Variants in SSBP3 observed in about 807,000 individuals in gnomAD.
SSBP3 encodes the protein single stranded DNA binding protein 3.
In SSBP3, 5 loss-of-function variants were observed where a neutral mutation model predicts 69.6. The ratio of observed to expected loss-of-function variants is 0.07; its 90% confidence interval spans 0.04 to 0.15. The LOEUF is 0.15. Ranked by LOEUF, SSBP3 falls within the 10% of genes least tolerant of loss-of-function variation. SSBP3 has a pLI of 1.00. For missense variants in SSBP3, 312 were observed against 534.0 expected (o/e 0.58, Z 4.10); for synonymous variants, 196 against 193.4 (o/e 1.01, Z -0.11).
At chr1:54,365,379 G>A (rs2100651623) in intron 4 of SSBP3, among the ~76,000 whole-genome samples, 1 of 152,286 alleles carries the variant, frequency 6.6e-6, no homozygotes, top group Middle Eastern at 3.4e-3. Context: ...AAGGCTAGTG[G>A]TTAAGAAGTG....
chr1:54,251,514 C>T (rs142743198), intron 9 of SSBP3, 102 bp downstream of exon 9: 114 of 1,276,578 alleles, frequency 8.9e-5, no homozygotes, highest in Non-Finnish European at 1.1e-4. Flanking sequence ...CTCACCCCTG[C>T]GAACTGAGAG....
intron 7 of SSBP3, among the ~76,000 whole-genome samples, chr1:54,255,929 G>A (rs968009411): frequency 5.3e-5 from 8 of 152,044 alleles, no homozygotes; most frequent in Non-Finnish European, 7.4e-5. Context: ...AAAATTAGCC[G>A]GGCATGGTGG....
chr1:54,294,618 G>C (rs1298242649), intron 4 of SSBP3, among the ~76,000 whole-genome samples: 1 of 152,232 alleles, frequency 6.6e-6, no homozygotes, highest in East Asian at 1.9e-4. Flanking sequence ...CCAGCCCAGT[G>C]AGCTGGGTGC....
At chr1:54,289,020 C>CAAAAAAAAAAAAAAAAA (rs777871964) in intron 4 of SSBP3, among the ~76,000 whole-genome samples, 11 of 43,892 alleles carry the variant, frequency 2.5e-4, no homozygotes, top group South Asian at 2.6e-3. Context: ...ACTCTGTCTC[C>CAAAAAAAAAAAAAAAAA]AAAAAAAAAA....
intron 5 of SSBP3, among the ~76,000 whole-genome samples, chr1:54,276,608 C>CACA (rs1553129772): frequency 4.8e-4 from 17 of 35,224 alleles, no homozygotes; most frequent in Non-Finnish European, 6.2e-4. Context: ...GACTCTGTCT[C>CACA]AAAAAAAAAA....
At chr1:54,370,750 A>C (rs1277811199) in intron 4 of SSBP3, among the ~76,000 whole-genome samples, 1 of 152,152 alleles carries the variant, frequency 6.6e-6, no homozygotes. Flanking sequence ...TCTCCACAAG[A>C]GTGGCCCTCA....
chr1:54,254,326 C>T (rs1644882538), intron 7 of SSBP3, among the ~76,000 whole-genome samples: 1 of 152,210 alleles, frequency 6.6e-6, no homozygotes, highest in African/African-American at 2.4e-5. Context: ...AGCCAGCCTG[C>T]CAGGTGGGAC....
chr1:54,316,598 G>A (rs1488479083), intron 4 of SSBP3, among the ~76,000 whole-genome samples: 6 of 140,660 alleles, frequency 4.3e-5, no homozygotes, highest in Admixed American at 1.4e-4. Flanking sequence ...CCGAGATTGC[G>A]CCACTGCAGT....
At chr1:54,381,297 C>A (rs983186269) in intron 4 of SSBP3, among the ~76,000 whole-genome samples, 1 of 143,870 alleles carries the variant, frequency 7.0e-6, no homozygotes, top group South Asian at 2.2e-4. Flanking sequence ...GCAAGACAAT[C>A]ACTTAAACTC....
Position 54,281,541 on chromosome 1 carries a change from A to G in SSBP3, c.277-14T>C. ...AGCTGCTGCACTCTGTGGAGACAAC[A>G]AGGCAGAGAGTTAGTGGCCAAACCC... On this transcript the variant is annotated splice_polypyrimidine_tract_variant and intron_variant, in intron 4 of 17. Transcript: ENST00000610401. 6.4e-7 allele frequency: 1 copy of G among 1,555,984 alleles called. No individual in the cohort carries two copies. The highest frequency in any genetic ancestry group is 8.7e-7 in the Non-Finnish European group (1 of 1,149,396).
chr1:54,344,603 G>A (rs1456828012), intron 4 of SSBP3, among the ~76,000 whole-genome samples: 1 of 152,208 alleles, frequency 6.6e-6, no homozygotes, highest in Non-Finnish European at 1.5e-5. Flanking sequence ...ACTCGGTGTC[G>A]TCAGTACAGG....
intron 4 of SSBP3, among the ~76,000 whole-genome samples, chr1:54,346,421 G>A (rs777903657): frequency 6.6e-6 from 1 of 152,058 alleles, no homozygotes; most frequent in Non-Finnish European, 1.5e-5. Context: ...TTGATTTGGG[G>A]CCTGGCACTG....
At chr1:54,235,658 G>A (rs1258513447) in intron 14 of SSBP3, among the ~76,000 whole-genome samples, 1 of 151,660 alleles carries the variant, frequency 6.6e-6, no homozygotes, top group Non-Finnish European at 1.5e-5. Context: ...TCACCATGTT[G>A]GTCAGGCTGG....
chr1:54,292,278 C>T (rs539771243), intron 4 of SSBP3, among the ~76,000 whole-genome samples: 6 of 152,334 alleles, frequency 3.9e-5, no homozygotes, highest in East Asian at 1.9e-4. Context: ...TCCCCTCTAC[C>T]GAATTCTTCA....
intron 4 of SSBP3, among the ~76,000 whole-genome samples, chr1:54,378,481 G>T (rs1647361137): frequency 3.3e-5 from 5 of 152,200 alleles, no homozygotes; most frequent in Admixed American, 3.3e-4. Context: ...AGGGAAAGGG[G>T]TGTAAGGCCA....
chr1:54,327,005 G>A (rs1488894983), intron 4 of SSBP3, among the ~76,000 whole-genome samples: 2 of 151,964 alleles, frequency 1.3e-5, no homozygotes, highest in Non-Finnish European at 2.9e-5. Flanking sequence ...TGTTTCTGGG[G>A]ATTTCAAGGA....
chr1:54,253,111 G>A (rs796520623), intron 7 of SSBP3, among the ~76,000 whole-genome samples: 1 of 152,064 alleles, frequency 6.6e-6, no homozygotes, highest in African/African-American at 2.4e-5. Context: ...TAAGGTACGA[G>A]AGGATTGTGT....
At chr1:54,395,384 C>T (rs1648791461) in intron 4 of SSBP3, among the ~76,000 whole-genome samples, 1 of 152,256 alleles carries the variant, frequency 6.6e-6, no homozygotes, top group Non-Finnish European at 1.5e-5. Flanking sequence ...TGATGCCAAG[C>T]TGCATGCCCT....
intron 4 of SSBP3, among the ~76,000 whole-genome samples, chr1:54,401,002 T>C (rs1248420365): frequency 6.6e-6 from 1 of 152,200 alleles, no homozygotes; most frequent in Admixed American, 6.5e-5. Flanking sequence ...CTTAACTGTC[T>C]ACAGGGCTAG....
Sources: allele counts gnomAD v4.1 joint callset (sites outside exome capture counted in the v4.1 genomes callset), GRCh38; gene constraint gnomAD v4.1.1; transcripts MANE v1.5; gene names NCBI Gene and HGNC (gene_info 2026-07-23, HGNC 2026-07-21).